Variants in ARHGAP31 observed in about 807,000 individuals in gnomAD.
The protein encoded by ARHGAP31 is rho GTPase-activating protein 31.
Under a neutral mutation model 113.9 loss-of-function variants are expected in ARHGAP31, and 34 were observed. That is an observed-to-expected ratio of 0.30 (90% CI 0.23 to 0.40). The LOEUF is 0.40. Ranked by LOEUF, ARHGAP31 falls within the 10% of genes least tolerant of loss-of-function variation. The pLI is 1.00. For missense variants in ARHGAP31, 1,548 were observed against 1,767.1 expected, an observed-to-expected ratio of 0.88 and a Z score of 2.22; for synonymous variants, 650 against 684.8, an observed-to-expected ratio of 0.95 and a Z score of 0.79.
chr3:119,346,481 TG>T (rs2080057949), intron 1 of ARHGAP31, among the ~76,000 whole-genome samples: 1 of 152,204 alleles, frequency 6.6e-6, no homozygotes, highest in Non-Finnish European at 1.5e-5. Flanking sequence ...CTGGCATTTT[TG>T]TTCCACCCAT....
chr3:119,357,665 A>T (rs996083285), intron 1 of ARHGAP31, among the ~76,000 whole-genome samples: 2 of 152,256 alleles, frequency 1.3e-5, no homozygotes, highest in Admixed American at 6.5e-5. Flanking sequence ...TGAGAAGTAC[A>T]GTATAAACAC....
At chr3:119,368,297 C>T (rs1205750913) in intron 2 of ARHGAP31, 75 bp from the exon 3 acceptor site, 2 of 1,585,136 alleles carry the variant, frequency 1.3e-6, no homozygotes, top group South Asian at 2.2e-5. Flanking sequence ...CTTTTTACCC[C>T]TAAGCAGCCA....
chr3:119,341,745 T>G (rs1577003140), intron 1 of ARHGAP31: 1 of 152,020 alleles, frequency 6.6e-6, no homozygotes, highest in Non-Finnish European at 1.5e-5. Flanking sequence ...AATGCATCAC[T>G]GATACTATGT....
chr3:119,322,991 C>A (rs1184295171), intron 1 of ARHGAP31, among the ~76,000 whole-genome samples: 1 of 152,258 alleles, frequency 6.6e-6, no homozygotes, highest in African/African-American at 2.4e-5. Flanking sequence ...CTGCCCCGCC[C>A]CGGGGTCCGG....
intron 1 of ARHGAP31, among the ~76,000 whole-genome samples, chr3:119,339,524 A>G (rs1197726033): frequency 6.6e-6 from 1 of 152,200 alleles, no homozygotes; most frequent in Middle Eastern, 3.2e-3. Context: ...GCTACAGTAC[A>G]AAGGTGGTGT....
intron 1 of ARHGAP31, among the ~76,000 whole-genome samples, chr3:119,326,877 C>T (rs954698563): frequency 2.0e-5 from 3 of 152,182 alleles, no homozygotes; most frequent in Non-Finnish European, 4.4e-5. Context: ...TTGGCTCGCA[C>T]CTGTAATCCT....
chr3:119,368,810 G>A (rs1577015233), intron 3 of ARHGAP31, among the ~76,000 whole-genome samples: 1 of 152,200 alleles, frequency 6.6e-6, no homozygotes, highest in African/African-American at 2.4e-5. Context: ...GAGAACCCCA[G>A]AAGTAAAGTG....
At chr3:119,331,894 G>C (rs981511221) in intron 1 of ARHGAP31, among the ~76,000 whole-genome samples, 2 of 152,106 alleles carry the variant, frequency 1.3e-5, no homozygotes, top group South Asian at 4.1e-4. Context: ...GGGCCTGGCT[G>C]CCTGCACCGC....
At chr3:119,404,666 G>A (rs534480620) in intron 10 of ARHGAP31, among the ~76,000 whole-genome samples, 1 of 152,314 alleles carries the variant, frequency 6.6e-6, no homozygotes, top group Non-Finnish European at 1.5e-5. Context: ...TAGTTGCTCT[G>A]GTCAAACCAA....
chr3:119,337,494 C>T (rs1055924729), intron 1 of ARHGAP31, among the ~76,000 whole-genome samples: 1 of 152,192 alleles, frequency 6.6e-6, no homozygotes, highest in Non-Finnish European at 1.5e-5. Flanking sequence ...AAAGCTTCCA[C>T]AATACTGACG....
chr3:119,338,396 C>T (rs2107611315), intron 1 of ARHGAP31, among the ~76,000 whole-genome samples: 1 of 152,312 alleles, frequency 6.6e-6, no homozygotes, highest in African/African-American at 2.4e-5. Context: ...TGTGGTACTA[C>T]ATATTCCTGC....
chr3:119,325,236 A>C (rs1406217809), intron 1 of ARHGAP31, among the ~76,000 whole-genome samples: 2 of 152,196 alleles, frequency 1.3e-5, no homozygotes, highest in African/African-American at 4.8e-5. Flanking sequence ...TAAAATTCTT[A>C]CTTAGTTGTG....
At chr3:119,364,657 A>G (rs997189120) in intron 1 of ARHGAP31, among the ~76,000 whole-genome samples, 2 of 152,214 alleles carry the variant, frequency 1.3e-5, no homozygotes, top group Non-Finnish European at 2.9e-5. Flanking sequence ...TGCATTTCCA[A>G]CTTCCCAGGA....
rs772715426 is a variant in ARHGAP31 at position 119,415,390 on chromosome 3, C to T, written c.3461C>T (p.Pro1154Leu). 4.8e-5 allele frequency: 78 copies of T among 1,614,034 alleles called. No individual in the cohort carries two copies. In the East Asian group the frequency reaches 1.6e-3, roughly 32 times the overall value. ...ACCTCATCTTACTGTAAAGCAGACC[C>T]CTGGAGGGTTTACTCCCAGGACCCC... ...WMTSSYCKAD[P>L]WRVYSQDPQD... is the part of the protein sequence containing the mutation. Residue 1154 changes from proline (P) to leucine (L), a missense_variant, in exon 12 of 12, where the codon CCC becomes CTC. Physicochemically the swap from Pro to Leu is moderately conservative, Grantham distance 98 (BLOSUM62 -3). Transcript: ENST00000264245.
intron 1 of ARHGAP31, among the ~76,000 whole-genome samples, chr3:119,328,365 C>G (rs922468334): frequency 6.6e-6 from 1 of 152,122 alleles, no homozygotes; most frequent in African/African-American, 2.4e-5. Flanking sequence ...ACTCTCTTGT[C>G]TCTGCATGGA....
rs2080799015 is a variant in ARHGAP31 at position 119,418,659 on chromosome 3, G to A, written c.*2395G>A. ...ATTAACAAGTGACTTCAGTTCTAAG[G>A]GTTGAGATGCCTGTGTGGATTTATA... On this transcript the variant is annotated 3_prime_UTR_variant, in exon 12 of 12. Coordinates refer to ENST00000264245, the MANE Select transcript of ARHGAP31 (RefSeq NM_020754.4). 6.6e-6 allele frequency: 1 copy of A among 152,184 alleles called. No individual in the cohort carries two copies. The highest frequency in any genetic ancestry group is 2.4e-5 in the African/African-American group (1 of 41,438). The allele number at this position is 152,184 out of a possible 1,614,324, so 9.4% of individuals were successfully genotyped here.
At chr3:119,333,857 T>A (rs192501924) in intron 1 of ARHGAP31, among the ~76,000 whole-genome samples, 6 of 152,344 alleles carry the variant, frequency 3.9e-5, no homozygotes, top group African/African-American at 1.4e-4. Context: ...TTGTGAGAAG[T>A]TAAGTACTGA....
intron 1 of ARHGAP31, chr3:119,298,896 G>T: frequency 4.2e-6 from 1 of 236,464 alleles, no homozygotes; most frequent in Non-Finnish European, 8.7e-6. Flanking sequence ...TGTGAGTTGT[G>T]CCATTCACAG....
rs747389387 is a variant in ARHGAP31 at position 119,414,495 on chromosome 3, G to T, written c.2566G>T (p.Gly856Trp). The T allele has an allele frequency of 1.2e-6, 2 of 1,614,232 alleles. No individual in the cohort carries two copies. Among genetic ancestry groups the T allele is most frequent in the Admixed American group, 3.3e-5 (2 of 60,022 alleles). Residue 856 changes from glycine to tryptophan, a missense_variant, in exon 12 of 12, where the codon GGG becomes TGG. Transcript: ENST00000264245. ...AAATTCAAAGAATGCTGCTTCTGAGGGGAAAGGCTGTGGTTTTCCAAGCCC... is the reference window on the plus strand; with the variant it reads ...AAATTCAAAGAATGCTGCTTCTGAGTGGAAAGGCTGTGGTTTTCCAAGCCC... ...KQNSKNAASE[G>W]KGCGFPSPTR...
Sources: allele counts gnomAD v4.1 joint callset (sites outside exome capture counted in the v4.1 genomes callset), GRCh38; gene constraint gnomAD v4.1.1; transcripts MANE v1.5; gene names NCBI Gene and HGNC (gene_info 2026-07-23, HGNC 2026-07-21).